MAML2: variants seen among roughly 807,000 people sequenced by gnomAD.
MAML2 encodes the protein mastermind-like protein 2.
A neutral mutation model predicts 96.1 loss-of-function variants in MAML2; 22 were observed. The observed-to-expected ratio is 0.23, with a 90% confidence interval of 0.16 to 0.33. MAML2 has a LOEUF of 0.33. Ranked by LOEUF, MAML2 falls within the 10% of genes least tolerant of loss-of-function variation. The probability of loss-of-function intolerance (pLI) is 1.00; values close to 1 mark genes in which losing one functional copy is unlikely to be tolerated. For synonymous variants in MAML2, 561 were observed against 521.3 expected, an observed-to-expected ratio of 1.08 and a Z score of -1.04; for missense variants, 1,367 against 1,392.4, an observed-to-expected ratio of 0.98 and a Z score of 0.29.
Position 96,341,573 on chromosome 11 carries a change from G to A in MAML2, c.323C>T (p.Pro108Leu), listed in dbSNP as rs1292143542. 6 of 1,551,330 alleles carry A rather than the reference G, an allele frequency of 3.9e-6. No homozygotes were observed. The highest frequency in any genetic ancestry group is 5.2e-6 in the Non-Finnish European group (6 of 1,146,986). Residue 108 changes from proline (P) to leucine (L), a missense_variant, in exon 1 of 5, where the codon CCC (proline) becomes CTC (leucine). By Grantham distance (98) the Pro-to-Leu change is moderately conservative (BLOSUM62 -3). Coordinates refer to ENST00000524717, the MANE Select transcript of MAML2 (RefSeq NM_032427.4). Reference protein sequence around the residue: ...TAATTTAPPPPPAAPPAASQA... With the variant: ...TAATTTAPPPLPAAPPAASQA... ...GGAGGCCGCAGGAGGGGCAGCAGGG[G>A]GCGGTGGAGGGGCTGTAGTGGTGGC...
At chr11:96,191,636 G>C (rs1039010245) in intron 1 of MAML2, among the ~76,000 whole-genome samples, 1 of 151,740 alleles carries the variant, frequency 6.6e-6, no homozygotes, top group Non-Finnish European at 1.5e-5. Flanking sequence ...GCCGGGCATG[G>C]TGGCGGGCGC....
intron 2 of MAML2, among the ~76,000 whole-genome samples, chr11:96,006,552 CT>C (rs61447709): frequency 1.6e-4 from 23 of 144,820 alleles, no homozygotes; most frequent in Admixed American, 6.9e-4. Context: ...ATTGGAGTAT[CT>C]TTTTTTTTTC....
At chr11:96,294,384 G>A (rs886878071) in intron 1 of MAML2, among the ~76,000 whole-genome samples, 14 of 151,894 alleles carry the variant, frequency 9.2e-5, no homozygotes, top group African/African-American at 2.9e-4. Flanking sequence ...AGATGTAGTC[G>A]CCCATAAAAC....
At chr11:96,032,612 G>A (rs895342943) in intron 2 of MAML2, among the ~76,000 whole-genome samples, 3 of 143,350 alleles carry the variant, frequency 2.1e-5, no homozygotes, top group African/African-American at 7.7e-5. Flanking sequence ...AAAAAGTTAT[G>A]TTTCCACAAA....
chr11:96,342,101 C>T lies in MAML2; in HGVS notation c.-206G>A. 1 of 556,344 alleles carries T rather than the reference C, an allele frequency of 1.8e-6. No individual in the cohort carries two copies. The highest frequency in any genetic ancestry group is 3.2e-6 in the Non-Finnish European group (1 of 315,722). 34.5% of individuals were successfully genotyped at this position (556,344 alleles called of 1,614,324 possible). A position where few individuals can be genotyped will look rare whatever the true frequency, so the allele number is the denominator to read the frequency against. The stretch of plus-strand genomic sequence containing the variant: ...AGAGGGTGGGGAGAAAGAATAGAAA[C>T]CAACTGGGGGGAGGATAAGTTGGAA... On this transcript the variant is annotated 5_prime_UTR_variant, in exon 1 of 5. Coordinates refer to ENST00000524717, the MANE Select transcript of MAML2 (RefSeq NM_032427.4).
intron 1 of MAML2, among the ~76,000 whole-genome samples, chr11:96,175,153 T>C (rs1861363756): frequency 6.6e-6 from 1 of 152,150 alleles, no homozygotes; most frequent in African/African-American, 2.4e-5. Flanking sequence ...ATTTTAGGAG[T>C]CTTGCATGCA....
intron 1 of MAML2, among the ~76,000 whole-genome samples, chr11:96,129,884 G>T (rs1283685622): frequency 6.6e-6 from 1 of 152,166 alleles, no homozygotes; most frequent in African/African-American, 2.4e-5. Context: ...TTGGTTTACT[G>T]CTTCCCAACT....
chr11:95,978,789 A>C lies in MAML2; in HGVS notation c.*159T>G, dbSNP rs1857686941. 7.4e-6 allele frequency: 5 copies of C among 675,276 alleles called. No homozygotes were observed. The highest frequency in any genetic ancestry group is 1.2e-5 in the Non-Finnish European group (5 of 417,066). 41.8% of individuals were successfully genotyped at this position (675,276 alleles called of 1,614,324 possible). On this transcript the variant is annotated 3_prime_UTR_variant, in exon 5 of 5. Coordinates refer to ENST00000524717, the MANE Select transcript of MAML2 (RefSeq NM_032427.4). The stretch of plus-strand genomic sequence containing the variant: ...TGTAAGATTTAAAACAAGAATTTGG[A>C]CCAAAATGTTCATCACTGCAGTTAC...
intron 2 of MAML2, among the ~76,000 whole-genome samples, chr11:96,035,647 G>T (rs1163922893): frequency 1.3e-5 from 2 of 152,226 alleles, no homozygotes; most frequent in Non-Finnish European, 2.9e-5. Flanking sequence ...AGGAAGCACA[G>T]AGACAGGGAA....
At chr11:96,246,388 GT>G (rs1425963547) in intron 1 of MAML2, among the ~76,000 whole-genome samples, 1 of 152,078 alleles carries the variant, frequency 6.6e-6, no homozygotes, top group Admixed American at 6.6e-5. Context: ...GGGATTTCAT[GT>G]TCGGGGACAT....
intron 1 of MAML2, among the ~76,000 whole-genome samples, chr11:96,111,727 G>GA (rs1321458609): frequency 2.0e-5 from 3 of 152,008 alleles, no homozygotes; most frequent in Non-Finnish European, 4.4e-5. Flanking sequence ...GAAAAGCTTT[G>GA]AAAAAAGAAT....
intron 1 of MAML2, among the ~76,000 whole-genome samples, chr11:96,320,987 A>C (rs1374954583): frequency 6.6e-6 from 1 of 152,142 alleles, no homozygotes; most frequent in African/African-American, 2.4e-5. Context: ...AGAAAATAAC[A>C]TTTTACCTGA....
intron 2 of MAML2, among the ~76,000 whole-genome samples, chr11:96,074,797 CT>C (rs1859408744): frequency 6.6e-6 from 1 of 152,220 alleles, no homozygotes; most frequent in Admixed American, 6.5e-5. Context: ...CTAAATGGCT[CT>C]CTAATCGCAT....
chr11:96,326,383 G>A (rs1863780918), intron 1 of MAML2, among the ~76,000 whole-genome samples: 1 of 149,648 alleles, frequency 6.7e-6, no homozygotes. Flanking sequence ...GTGTGTGTGT[G>A]TGTGCATGTA....
chr11:96,196,504 A>G (rs114096023), intron 1 of MAML2, among the ~76,000 whole-genome samples: 3 of 152,252 alleles, frequency 2.0e-5, no homozygotes, highest in Non-Finnish European at 4.4e-5. Flanking sequence ...GGGATTGACC[A>G]TTGAAGTCAA....
intron 2 of MAML2, among the ~76,000 whole-genome samples, chr11:96,011,077 T>C (rs677959): frequency 0.031 from 4,657 of 152,278 alleles, 174 homozygotes; most frequent in African/African-American, 0.089. Flanking sequence ...ATATAATACA[T>C]GTTGATGAGG....
At chr11:96,138,825 G>A (rs1355660502) in intron 1 of MAML2, among the ~76,000 whole-genome samples, 3 of 151,888 alleles carry the variant, frequency 2.0e-5, no homozygotes, top group Non-Finnish European at 2.9e-5. Flanking sequence ...ATTGTCCTAG[G>A]GTGCTTGATT....
At chr11:96,099,141 C>T (rs2135819445) in intron 1 of MAML2, among the ~76,000 whole-genome samples, 1 of 152,254 alleles carries the variant, frequency 6.6e-6, no homozygotes, top group Admixed American at 6.5e-5. Flanking sequence ...CCTACATACT[C>T]AAGGGAATAT....
intron 1 of MAML2, among the ~76,000 whole-genome samples, chr11:96,302,160 ATT>A (rs992012808): frequency 2.0e-5 from 3 of 152,184 alleles, no homozygotes; most frequent in African/African-American, 7.2e-5. Flanking sequence ...AAAGACACAT[ATT>A]TGTTTTCATG....
Sources: gnomAD v4.1 joint callset for allele counts (sites outside exome capture counted in the v4.1 genomes callset) on GRCh38, gnomAD v4.1.1 for gene constraint, MANE v1.5 for transcripts, NCBI Gene and HGNC (gene_info 2026-07-23, HGNC 2026-07-21) for gene names.